The following SIPA1L2 variants were observed in gnomAD, a reference collection of about 807,000 sequenced individuals.
SIPA1L2 encodes signal-induced proliferation-associated 1-like protein 2.
SIPA1L2 carries 56 observed loss-of-function variants against 163.9 expected under a neutral mutation model. The ratio of observed to expected loss-of-function variants is 0.34; its 90% CI spans 0.28 to 0.43. The LOEUF (loss-of-function observed/expected upper bound fraction) is 0.43, where lower values mean the gene tolerates loss of function less well. Ranked by LOEUF, SIPA1L2 falls within the 20% of genes least tolerant of loss-of-function variation. The pLI, the probability that SIPA1L2 is intolerant of heterozygous loss-of-function variation, is 1.00. For synonymous variants in SIPA1L2, 877 were observed against 865.7 expected (o/e 1.01, Z -0.23); for missense variants, 1,974 against 2,193.5 (o/e 0.90, Z 2.00).
chr1:232,565,553 C>A (rs1314494353), intron 2 of SIPA1L2, among the ~76,000 whole-genome samples: 1 of 152,124 alleles, frequency 6.6e-6, no homozygotes, highest in Non-Finnish European at 1.5e-5. Context: ...AGAAAGAACA[C>A]CTGCAAAATG....
chr1:232,605,071 G>GGCTC (rs1661823284), intron 1 of SIPA1L2, among the ~76,000 whole-genome samples: 1 of 152,152 alleles, frequency 6.6e-6, no homozygotes, highest in African/African-American at 2.4e-5. Flanking sequence ...GGAGTGCAGT[G>GGCTC]GCTCAATCAT....
intron 1 of SIPA1L2, among the ~76,000 whole-genome samples, chr1:232,612,389 G>A (rs946676142): frequency 6.6e-6 from 1 of 152,206 alleles, no homozygotes; most frequent in Non-Finnish European, 1.5e-5. Flanking sequence ...CGTTCGCCTG[G>A]AAAAGCTGCA....
At chr1:232,414,515 G>C (rs1249765355) in intron 19 of SIPA1L2, among the ~76,000 whole-genome samples, 1 of 152,194 alleles carries the variant, frequency 6.6e-6, no homozygotes, top group East Asian at 1.9e-4. Flanking sequence ...ACTGAGAAGG[G>C]AAAAGAAATG....
chr1:232,469,879 C>A, intron 8 of SIPA1L2, among the ~76,000 whole-genome samples: 1 of 149,706 alleles, frequency 6.7e-6, no homozygotes, highest in African/African-American at 2.5e-5. Flanking sequence ...ACCGGAAAAC[C>A]TAAAAGAAAT....
chr1:232,448,546 C>T (rs1417202301), intron 10 of SIPA1L2, among the ~76,000 whole-genome samples: 1 of 152,194 alleles, frequency 6.6e-6, no homozygotes, highest in Non-Finnish European at 1.5e-5. Flanking sequence ...GAAACAACCT[C>T]AACTGCCAAC....
intron 1 of SIPA1L2, among the ~76,000 whole-genome samples, chr1:232,606,888 C>T (rs1177791561): frequency 1.3e-5 from 2 of 151,960 alleles, no homozygotes; most frequent in Middle Eastern, 3.7e-3. Context: ...ATATCTATTA[C>T]ATCTATATCT....
chr1:232,476,176 C>G (rs1665035123), intron 7 of SIPA1L2, among the ~76,000 whole-genome samples: 1 of 151,972 alleles, frequency 6.6e-6, no homozygotes, highest in Non-Finnish European at 1.5e-5. Context: ...AGCTTACAAT[C>G]AGTCTATCCA....
intron 12 of SIPA1L2, among the ~76,000 whole-genome samples, chr1:232,442,758 C>T (rs1278647244): frequency 6.6e-6 from 1 of 152,028 alleles, no homozygotes; most frequent in Non-Finnish European, 1.5e-5. Context: ...AAAAAGAACA[C>T]CAAAAAAGCC....
rs183136812 is a variant in SIPA1L2, at chr1:232,618,343, T to A, written c.-319+11526A>T. 2.9e-3 allele frequency among the ~76,000 whole-genome samples: 438 copies of A among 152,216 alleles called. 3 individuals are homozygous for A. The highest frequency in any genetic ancestry group is 2.8e-3 in the Non-Finnish European group (189 of 68,006). On this transcript the variant is annotated intron_variant, in intron 1 of 22. Coordinates refer to ENST00000674635, the MANE Select transcript of SIPA1L2 (RefSeq NM_020808.5). ...AGCTCTTTTTGTCCACAGACATCCT[T>A]CCTAATGTCGCCTCAGTTTAAAACT... is the stretch of plus-strand genomic sequence containing the variant.
intron 1 of SIPA1L2, among the ~76,000 whole-genome samples, chr1:232,578,770 A>C (rs553026991): frequency 2.6e-4 from 39 of 152,174 alleles, no homozygotes; most frequent in African/African-American, 4.1e-4. Flanking sequence ...TTAATGTTCC[A>C]CTCTTTTAAC....
intron 18 of SIPA1L2, among the ~76,000 whole-genome samples, chr1:232,418,792 T>C (rs2102790447): frequency 6.6e-6 from 1 of 152,314 alleles, no homozygotes; most frequent in African/African-American, 2.4e-5. Context: ...CAGTGGTGAA[T>C]GGGACTTCTA....
At chr1:232,591,383 A>C (rs1007367419) in intron 1 of SIPA1L2, among the ~76,000 whole-genome samples, 1 of 152,282 alleles carries the variant, frequency 6.6e-6, no homozygotes, top group East Asian at 1.9e-4. Context: ...TTTGCTACTC[A>C]TGAGTACTGT....
intron 2 of SIPA1L2, among the ~76,000 whole-genome samples, chr1:232,541,172 G>C (rs1657635597): frequency 6.6e-6 from 1 of 152,032 alleles, no homozygotes. Context: ...TGGGTTGATA[G>C]GTGCAGCAAA....
At chr1:232,495,373 C>A (rs908887698) in intron 3 of SIPA1L2, among the ~76,000 whole-genome samples, 1 of 152,020 alleles carries the variant, frequency 6.6e-6, no homozygotes, top group African/African-American at 2.4e-5. Flanking sequence ...ACCATTCTGG[C>A]TAACATGGTG....
At chr1:232,418,145 G>T (rs995290956) in intron 18 of SIPA1L2, among the ~76,000 whole-genome samples, 2 of 152,146 alleles carry the variant, frequency 1.3e-5, no homozygotes, top group Admixed American at 6.5e-5. Flanking sequence ...CACATTCTAT[G>T]TGCTACTTTT....
intron 1 of SIPA1L2, among the ~76,000 whole-genome samples, chr1:232,595,554 C>A (rs550866375): frequency 1.6e-4 from 24 of 152,278 alleles, no homozygotes; most frequent in African/African-American, 5.5e-4. Context: ...GGACGTTCCC[C>A]CCAGCACACT....
rs753683263 is a variant in SIPA1L2 at position 232,432,552 on chromosome 1, G to C, written c.4032-81C>G. ...ACACGGCCAAATTCAGAGCCACAAG[G>C]CTTTACTCAAGTCTTTCTCCGAGAG... On this transcript the variant is annotated intron_variant, in intron 15 of 22. Coordinates refer to ENST00000674635, the MANE Select transcript of SIPA1L2 (RefSeq NM_020808.5). The C allele has an allele frequency of 1.6e-4, 212 of 1,299,666 alleles. 1 individual carries two copies. Among genetic ancestry groups the C allele is most frequent in the South Asian group, 4.9e-4 (38 of 76,828 alleles). The allele number at this position is 1,299,666 out of a possible 1,614,324, so 80.5% of individuals were successfully genotyped here. A position where few individuals can be genotyped will look rare whatever the true frequency, so the allele number is the denominator to read the frequency against.
chr1:232,423,577 A>G (rs953185120), intron 18 of SIPA1L2, among the ~76,000 whole-genome samples: 1 of 152,222 alleles, frequency 6.6e-6, no homozygotes, highest in Admixed American at 6.5e-5. Flanking sequence ...ACCAAATAAG[A>G]AGGTTTCTTT....
chr1:232,562,911 C>T (rs1228628691), intron 2 of SIPA1L2, among the ~76,000 whole-genome samples: 3 of 152,208 alleles, frequency 2.0e-5, no homozygotes, highest in Non-Finnish European at 2.9e-5. Flanking sequence ...TAACAAACAC[C>T]TGCAAGCTGT....
Sources: allele counts gnomAD v4.1 joint callset (sites outside exome capture counted in the v4.1 genomes callset), GRCh38; gene constraint gnomAD v4.1.1; transcripts MANE v1.5; gene names NCBI Gene and HGNC (gene_info 2026-07-23, HGNC 2026-07-21).